Variants in DPP10 observed in about 807,000 individuals in gnomAD.
DPP10 encodes the protein inactive dipeptidyl peptidase 10.
In DPP10, 33 loss-of-function variants were observed where a neutral mutation model predicts 120.9. The observed-to-expected ratio is 0.27, with a 90% CI of 0.21 to 0.37. The LOEUF (loss-of-function observed/expected upper bound fraction) is 0.37, where lower values mean the gene tolerates loss of function less well. Among genes scored for constraint, DPP10 ranks in the 10% least tolerant of loss-of-function variants. The pLI is 1.00. For missense variants in DPP10, 816 were observed against 942.8 expected (o/e 0.87, Z 1.76); for synonymous variants, 337 against 326.1 (o/e 1.03, Z -0.36).
intron 3 of DPP10, among the ~76,000 whole-genome samples, chr2:115,452,059 A>G (rs948201746): frequency 6.6e-6 from 1 of 151,944 alleles, no homozygotes; most frequent in African/African-American, 2.4e-5. Context: ...TCTTAAGGTC[A>G]CATAGTATGT....
chr2:115,801,882 G>A (rs554321206), intron 19 of DPP10, among the ~76,000 whole-genome samples: 4 of 152,250 alleles, frequency 2.6e-5, no homozygotes, highest in East Asian at 3.9e-4. Context: ...AAGGATATTG[G>A]TCTAAAATTC....
At chr2:115,690,670 A>G (rs2149499508) in intron 7 of DPP10, among the ~76,000 whole-genome samples, 1 of 152,150 alleles carries the variant, frequency 6.6e-6, no homozygotes, top group African/African-American at 2.4e-5. Flanking sequence ...ACCTAGGCCT[A>G]CCCAAAGTGA....
At chr2:114,732,672 T>G (rs1677031601) in intron 1 of DPP10, among the ~76,000 whole-genome samples, 1 of 152,204 alleles carries the variant, frequency 6.6e-6, no homozygotes, top group Non-Finnish European at 1.5e-5. Context: ...TACTATGGAT[T>G]GAAAAAGGGT....
intron 1 of DPP10, among the ~76,000 whole-genome samples, chr2:114,474,652 T>C (rs1479580270): frequency 6.6e-6 from 1 of 152,116 alleles, no homozygotes; most frequent in African/African-American, 2.4e-5. Context: ...GAATATACCC[T>C]GCTGTGAAGG....
chr2:115,818,435 A>C lies in DPP10; in HGVS notation c.1950+2706A>C, dbSNP rs532950568. On this transcript the variant is annotated intron_variant, in intron 21 of 25. Transcript: ENST00000410059. ...TGTATTTCAATGCTCTGCTTACTGTACACATAAATAAGCATAAAGGACCAA... is the reference window on the plus strand; with the variant it reads ...TGTATTTCAATGCTCTGCTTACTGTCCACATAAATAAGCATAAAGGACCAA... 6.2e-4 allele frequency among the ~76,000 whole-genome samples: 94 copies of C among 152,348 alleles called. 1 individual carries two copies. The highest frequency in any genetic ancestry group is 2.3e-3 in the African/African-American group (94 of 41,588).
intron 1 of DPP10, among the ~76,000 whole-genome samples, chr2:114,674,828 C>G (rs973902440): frequency 6.6e-6 from 1 of 152,142 alleles, no homozygotes; most frequent in Non-Finnish European, 1.5e-5. Flanking sequence ...GGGATTTCAT[C>G]TAAAAACGGA....
chr2:115,131,269 C>T (rs1367464979), intron 1 of DPP10, among the ~76,000 whole-genome samples: 1 of 152,230 alleles, frequency 6.6e-6, no homozygotes, highest in African/African-American at 2.4e-5. Flanking sequence ...AATCCCCGAA[C>T]TTTGGGAGGC....
intron 1 of DPP10, among the ~76,000 whole-genome samples, chr2:114,972,129 G>A (rs1699439968): frequency 6.6e-6 from 1 of 152,108 alleles, no homozygotes; most frequent in African/African-American, 2.4e-5. Context: ...TCACTCTTTG[G>A]GCTTCACTTT....
At chr2:115,094,727 C>T (rs919382521) in intron 1 of DPP10, among the ~76,000 whole-genome samples, 5 of 152,090 alleles carry the variant, frequency 3.3e-5, no homozygotes, top group African/African-American at 1.2e-4. Flanking sequence ...AGTAGTTTTA[C>T]TTAGCTAATA....
intron 1 of DPP10, among the ~76,000 whole-genome samples, chr2:115,110,772 A>AT (rs571620756): frequency 2.6e-5 from 4 of 151,758 alleles, no homozygotes; most frequent in African/African-American, 9.7e-5. Flanking sequence ...AAATATTTTG[A>AT]TTTTTTTCCC....
intron 1 of DPP10, among the ~76,000 whole-genome samples, chr2:114,552,868 C>G (rs541683209): frequency 6.6e-6 from 1 of 152,224 alleles, no homozygotes; most frequent in African/African-American, 2.4e-5. Context: ...TTTCTATTCT[C>G]AGTTTTTATC....
At chr2:115,638,840 T>C (rs967418977) in intron 5 of DPP10, among the ~76,000 whole-genome samples, 12 of 152,132 alleles carry the variant, frequency 7.9e-5, no homozygotes, top group Non-Finnish European at 1.2e-4. Context: ...AATCAGACCT[T>C]ACACAAACAC....
intron 1 of DPP10, among the ~76,000 whole-genome samples, chr2:114,968,791 A>G (rs935887541): frequency 9.9e-5 from 15 of 152,224 alleles, no homozygotes; most frequent in African/African-American, 3.1e-4. Context: ...TTCTTGAACT[A>G]TAAAGGATTT....
intron 1 of DPP10, among the ~76,000 whole-genome samples, chr2:115,018,924 C>G (rs1192545481): frequency 2.0e-5 from 3 of 151,918 alleles, no homozygotes; most frequent in Admixed American, 6.6e-5. Flanking sequence ...CTCAGAGAGC[C>G]CTGAGCAGCC....
intron 2 of DPP10, among the ~76,000 whole-genome samples, chr2:115,311,490 A>G (rs2061574915): frequency 6.6e-6 from 1 of 152,166 alleles, no homozygotes; most frequent in African/African-American, 2.4e-5. Context: ...GTTATGACAA[A>G]CGGAAAGGGA....
At chr2:115,115,194 C>T (rs1170175236) in intron 1 of DPP10, among the ~76,000 whole-genome samples, 1 of 152,008 alleles carries the variant, frequency 6.6e-6, no homozygotes, top group East Asian at 1.9e-4. Context: ...GAGCTCTTGT[C>T]CTCCAACCTA....
At chr2:114,540,966 C>T (rs911043601) in intron 1 of DPP10, among the ~76,000 whole-genome samples, 4 of 152,132 alleles carry the variant, frequency 2.6e-5, no homozygotes, top group African/African-American at 7.2e-5. Flanking sequence ...CCTCCACTCC[C>T]GTCACAGCTT....
intron 9 of DPP10, among the ~76,000 whole-genome samples, chr2:115,741,237 T>C (rs769733617): frequency 1.3e-5 from 2 of 152,106 alleles, no homozygotes; most frequent in Non-Finnish European, 2.9e-5. Context: ...AATGCAAGAT[T>C]ATAAAGAGTA....
intron 1 of DPP10, among the ~76,000 whole-genome samples, chr2:114,526,758 A>AG (rs1477127853): frequency 6.6e-6 from 1 of 152,070 alleles, no homozygotes; most frequent in African/African-American, 2.4e-5. Context: ...AATCCCATTT[A>AG]TGAAGTCTCT....
Sources: gnomAD v4.1 joint callset for allele counts (sites outside exome capture counted in the v4.1 genomes callset) on GRCh38, gnomAD v4.1.1 for gene constraint, MANE v1.5 for transcripts, NCBI Gene and HGNC (gene_info 2026-07-23, HGNC 2026-07-21) for gene names.